Variants in BRD4 observed in about 807,000 individuals in gnomAD.
The protein encoded by BRD4 is bromodomain containing 4.
A neutral mutation model predicts 142.1 loss-of-function variants in BRD4; 16 were observed. The observed-to-expected ratio is 0.11, with a 90% CI of 0.08 to 0.17. The LOEUF is 0.17. BRD4 is among the 10% of genes least tolerant of loss of function. The pLI, the probability that BRD4 is intolerant of heterozygous loss-of-function variation, is 1.00. For missense variants in BRD4, 1,424 were observed against 1,810.9 expected (o/e 0.79, Z 3.88); for synonymous variants, 833 against 707.5 (o/e 1.18, Z -2.82).
intron 1 of BRD4, among the ~76,000 whole-genome samples, chr19:15,287,713 G>A (rs1736090646): frequency 6.6e-6 from 1 of 152,048 alleles, no homozygotes; most frequent in African/African-American, 2.4e-5. Context: ...TCTTTTTGTG[G>A]TTGTCGTATT....
chr19:15,265,602 G>C lies in BRD4; in HGVS notation c.601C>G (p.Gln201Glu), dbSNP rs374747220. ...PGVSTVPNTT[Q>E]ASTPPQTQTP... Reference sequence around the variant, plus strand: ...TGGGTCTGCGGAGGAGTCGATGCTTGAGTTGTGTTTGGTACCGTGGAAACG... The same window carrying C: ...TGGGTCTGCGGAGGAGTCGATGCTTCAGTTGTGTTTGGTACCGTGGAAACG... Residue 201 changes from glutamine to glutamate, a missense_variant, in exon 5 of 20, where the codon CAA becomes GAA. Gln to Glu is a conservative substitution (Grantham distance 29). Coordinates refer to ENST00000679869, the MANE Select transcript of BRD4 (RefSeq NM_001379291.1). The C allele has an allele frequency of 7.4e-6, 12 of 1,614,146 alleles. No homozygotes were observed. The highest frequency in any genetic ancestry group is 1.0e-5 in the Non-Finnish European group (12 of 1,180,034).
At chr19:15,258,147 A>G (rs2047432817) in intron 7 of BRD4, among the ~76,000 whole-genome samples, 1 of 152,132 alleles carries the variant, frequency 6.6e-6, no homozygotes, top group African/African-American at 2.4e-5. Flanking sequence ...CATGGCAAAG[A>G]CCTTCCCCCA....
At chr19:15,298,354 T>G (rs375432409) in intron 1 of BRD4, among the ~76,000 whole-genome samples, 1 of 152,124 alleles carries the variant, frequency 6.6e-6, no homozygotes, top group Admixed American at 6.5e-5. Flanking sequence ...AAGCTTGTGG[T>G]TGGCCGGGCA....
At chr19:15,322,548 A>AAC (rs199588932) in intron 1 of BRD4, among the ~76,000 whole-genome samples, 10 of 139,270 alleles carry the variant, frequency 7.2e-5, no homozygotes, top group African/African-American at 2.6e-4. Context: ...TCTCTACTAA[A>AAC]ACATACAAAA....
chr19:15,294,074 T>C (rs1247802214), intron 1 of BRD4, among the ~76,000 whole-genome samples: 1 of 152,212 alleles, frequency 6.6e-6, no homozygotes, highest in Non-Finnish European at 1.5e-5. Flanking sequence ...GACTGAGGGC[T>C]GGGGGCTCCT....
intron 1 of BRD4, among the ~76,000 whole-genome samples, chr19:15,315,152 G>T (rs1403930322): frequency 4.0e-5 from 6 of 148,788 alleles, no homozygotes; most frequent in South Asian, 2.1e-4. Context: ...GACTGGCTTT[G>T]TTTTTTTTTT....
intron 13 of BRD4, 67 bp downstream of exon 13, chr19:15,244,164 G>A (rs747870373): frequency 2.2e-5 from 34 of 1,534,366 alleles, no homozygotes; most frequent in African/African-American, 2.7e-5. Flanking sequence ...CAGAGTGCTC[G>A]GACACCACAT....
At chr19:15,255,234 A>G (rs2145569375) in intron 10 of BRD4, 63 bp downstream of exon 10, 2 of 1,496,006 alleles carry the variant, frequency 1.3e-6, no homozygotes, top group Non-Finnish European at 1.8e-6. Flanking sequence ...CTGAGCAAGG[A>G]GGGAAAAGTT....
intron 1 of BRD4, among the ~76,000 whole-genome samples, chr19:15,324,048 G>C (rs920060329): frequency 6.6e-6 from 1 of 152,158 alleles, no homozygotes; most frequent in Non-Finnish European, 1.5e-5. Flanking sequence ...CCAGAAGGGG[G>C]TGGGGCTGGG....
chr19:15,298,838 C>T (rs1372404231), intron 1 of BRD4, among the ~76,000 whole-genome samples: 1 of 152,066 alleles, frequency 6.6e-6, no homozygotes, highest in Non-Finnish European at 1.5e-5. Flanking sequence ...CCGACTCCGC[C>T]TAAGACCCAA....
intron 1 of BRD4, among the ~76,000 whole-genome samples, chr19:15,283,162 G>A (rs961356558): frequency 3.3e-5 from 5 of 152,054 alleles, no homozygotes; most frequent in Non-Finnish European, 7.4e-5. Flanking sequence ...AGGAAATACG[G>A]GGGACACACT....
At chr19:15,330,551 A>T (rs2145026057) in intron 1 of BRD4, among the ~76,000 whole-genome samples, 1 of 152,282 alleles carries the variant, frequency 6.6e-6, no homozygotes, top group South Asian at 2.1e-4. Flanking sequence ...GGAACACCTG[A>T]GGTCAGGAGT....
intron 1 of BRD4, among the ~76,000 whole-genome samples, chr19:15,282,779 T>C (rs1324708447): frequency 6.6e-6 from 1 of 152,150 alleles, no homozygotes; most frequent in Non-Finnish European, 1.5e-5. Flanking sequence ...AACAGAGCTG[T>C]GGGGTATGTG....
Position 15,239,675 on chromosome 19 carries a change from G to C in BRD4, c.3429C>G (p.Pro1143=). 6.3e-7 allele frequency: 1 copy of C among 1,584,128 alleles called. No homozygotes were observed. Among genetic ancestry groups the C allele is most frequent in the Non-Finnish European group, 8.5e-7 (1 of 1,173,380 alleles). The change falls in exon 16 of 20, where the codon CCC becomes CCG. Residue 1143 remains proline (P), a synonymous_variant. Transcript: ENST00000679869. The surrounding 1 kb of genome is among the most constrained non-coding windows in gnomAD (Gnocchi z 7.4). Reference sequence around the variant, plus strand: ...AGCACTCACGCTGGGGCAGGTGGACGGGGGCCTTGATGCTCTCCGGGTGCT... The same window carrying C: ...AGCACTCACGCTGGGGCAGGTGGACCGGGGCCTTGATGCTCTCCGGGTGCT... ...PPKHPESIKA[P]VHLPQRPEMK... is the part of the protein sequence containing the mutation.
intron 14 of BRD4, among the ~76,000 whole-genome samples, chr19:15,241,888 CT>C (rs888147603): frequency 2.5e-4 from 37 of 150,126 alleles, no homozygotes; most frequent in African/African-American, 9.1e-4. Context: ...TCTCAGCTCA[CT>C]GCAACCTCCG....
At chr19:15,281,240 G>A (rs1171493479) in intron 1 of BRD4, among the ~76,000 whole-genome samples, 2 of 150,094 alleles carry the variant, frequency 1.3e-5, no homozygotes, top group Non-Finnish European at 3.0e-5. Context: ...CCTTGGACCA[G>A]CCAAGTGGTG....
chr19:15,255,998 C>T (rs2145572470), intron 9 of BRD4, 66 bp downstream of exon 9: 1 of 1,577,092 alleles, frequency 6.3e-7, no homozygotes, highest in Non-Finnish European at 8.6e-7. Flanking sequence ...GGCAGTGGCC[C>T]ACACAGTCTC....
At chr19:15,278,105 C>CAAAAAAAAAAAAAAAA (rs59204229) in intron 1 of BRD4, among the ~76,000 whole-genome samples, 1 of 55,040 alleles carries the variant, frequency 1.8e-5, no homozygotes, top group Non-Finnish European at 3.2e-5. Flanking sequence ...GACTCCGTCT[C>CAAAAAAAAAAAAAAAA]AAAAAAAAAA....
intron 11 of BRD4, among the ~76,000 whole-genome samples, chr19:15,251,461 G>GGGGGGC (rs2047345507): frequency 9.6e-6 from 1 of 103,712 alleles, no homozygotes; most frequent in Non-Finnish European, 2.0e-5. Flanking sequence ...GGGGGCGGGG[G>GGGGGGC]CGCGGGCCTG....
Sources: gnomAD v4.1 joint callset for allele counts (sites outside exome capture counted in the v4.1 genomes callset) on GRCh38, gnomAD v4.1.1 for gene constraint, Gnocchi (gnomAD v3.1) non-coding constraint, MANE v1.5 for transcripts, NCBI Gene and HGNC (gene_info 2026-07-23, HGNC 2026-07-21) for gene names.